DHX8: variants seen among roughly 807,000 people sequenced by gnomAD.
The protein encoded by DHX8 is DEAH-box helicase 8.
In DHX8, 67 loss-of-function variants were observed where a neutral mutation model predicts 140.7. That is an observed-to-expected ratio of 0.48 (90% CI 0.39 to 0.58). DHX8 has a LOEUF of 0.58. Among genes scored for constraint, DHX8 ranks in the 20% least tolerant of loss-of-function variants. The pLI, the probability that DHX8 is intolerant of heterozygous loss-of-function variation, is 0.00. For missense variants in DHX8, 887 were observed against 1,550.7 expected (o/e 0.57, Z 7.19); for synonymous variants, 533 against 553.2 (o/e 0.96, Z 0.51).
rs931729295 is a variant in DHX8 at position 43,513,597 on chromosome 17, G to T, written c.2643+95G>T. The T allele has an allele frequency of 1.1e-5, 15 of 1,373,556 alleles. No homozygotes were observed. The South Asian group carries it at 1.2e-4, about 11-fold the overall frequency. The allele number at this position is 1,373,556 out of a possible 1,614,324, so 85.1% of individuals were successfully genotyped here. On this transcript the variant is annotated intron_variant, in intron 17 of 22. Coordinates refer to ENST00000262415, the MANE Select transcript of DHX8 (RefSeq NM_004941.3). ...TATATATTTCAAACTTGTTTTCAAAGATGAACTTTTATGATACTGGGTACT... is the reference window on the plus strand; with the variant it reads ...TATATATTTCAAACTTGTTTTCAAATATGAACTTTTATGATACTGGGTACT...
At position 43,511,456 on chromosome 17, in the gene DHX8, A is replaced by ATT. The variant is rs71160045; in HGVS notation, c.2503-1888_2503-1887dup. On this transcript the variant is annotated intron_variant, in intron 16 of 22. Transcript: ENST00000262415. ...AGTGGCTTATGCCTGTGATCCCAGC[A>ATT]TTTTTTTTTTTTTTTTTTTGAGACA... is the stretch of plus-strand genomic sequence containing the variant. Among the ~76,000 whole-genome samples the ATT allele has an allele frequency of 5.6e-4, 32 of 56,788 alleles. 5 individuals carry two copies. Among genetic ancestry groups the ATT allele is most frequent in the East Asian group, 4.2e-3 (6 of 1,418 alleles). The allele number at this position is 56,788 out of a possible 152,430, so 37.3% of individuals were successfully genotyped here.
chr17:43,508,205 G>T, intron 15 of DHX8, 134 bp from the exon 16 acceptor site: 1 of 1,264,994 alleles, frequency 7.9e-7, no homozygotes, highest in Admixed American at 2.6e-5. Flanking sequence ...AAACAAACTT[G>T]TATTGTTTAC....
At chr17:43,495,494 C>T (rs934585722) in intron 8 of DHX8, among the ~76,000 whole-genome samples, 1 of 152,082 alleles carries the variant, frequency 6.6e-6, no homozygotes, top group African/African-American at 2.4e-5. Context: ...CAGTGCTCAT[C>T]TCAAACTCCT....
At chr17:43,493,061 G>A (rs538220712) in intron 6 of DHX8, 21 bp downstream of exon 6, 1 of 1,600,744 alleles carries the variant, frequency 6.2e-7, no homozygotes, top group South Asian at 1.1e-5. Flanking sequence ...GTGCTCTTTT[G>A]TTCACACCAG....
chr17:43,511,456 A>ATTTTTTTTTTTTTT (rs71160045), intron 16 of DHX8, among the ~76,000 whole-genome samples: 23,217 of 56,550 alleles, frequency 0.41, 10,359 homozygotes, highest in Non-Finnish European at 0.5. Context: ...TGATCCCAGC[A>ATTTTTTTTTTTTTT]TTTTTTTTTT....
At chr17:43,516,544 G>A (rs1970122701) in intron 17 of DHX8, among the ~76,000 whole-genome samples, 3 of 152,058 alleles carry the variant, frequency 2.0e-5, no homozygotes, top group Non-Finnish European at 4.4e-5. Flanking sequence ...GACCTCCCCA[G>A]GCTCAGGTGA....
chr17:43,495,537 C>G (rs1182916982), intron 8 of DHX8, among the ~76,000 whole-genome samples: 2 of 152,158 alleles, frequency 1.3e-5, no homozygotes, highest in African/African-American at 4.8e-5. Context: ...CTCAGCCTCC[C>G]AAAGTGTTGA....
downstream of DHX8, chr17:43,529,859 T>TC: frequency 6.2e-7 from 1 of 1,613,226 alleles, no homozygotes; most frequent in Non-Finnish European, 8.5e-7. Flanking sequence ...ACCTTGACCC[T>TC]CCCATCAACA....
At chr17:43,499,047 A>C (rs1969035890) in intron 10 of DHX8, 88 bp downstream of exon 10, 1 of 971,008 alleles carries the variant, frequency 1.0e-6, no homozygotes, top group African/African-American at 1.7e-5. Context: ...CTGCGTAAGT[A>C]GAACTTGGGC....
At chr17:43,526,136 G>A (rs778902179), downstream of DHX8, 6 of 985,220 alleles carry the variant, frequency 6.1e-6, no homozygotes, top group Non-Finnish European at 7.2e-6. Flanking sequence ...AGGGAGAAGG[G>A]GGGGGTCCTG....
chr17:43,524,606 A>G lies in DHX8; in HGVS notation c.*759A>G, dbSNP rs1334902502. The G allele has an allele frequency of 1.0e-6, 1 of 985,418 alleles. No individual in the cohort carries two copies. The highest frequency in any genetic ancestry group is 1.2e-6 in the Non-Finnish European group (1 of 830,018). 61.0% of individuals were successfully genotyped at this position (985,418 alleles called of 1,614,324 possible). On this transcript the variant is annotated 3_prime_UTR_variant, in exon 23 of 23. Transcript: ENST00000262415. ...AGTCTGGAGGCCTGAGTGGCTACAG[A>G]TGGCACATATTAAATACAGAAGGTT...
chr17:43,525,818 G>A, downstream of DHX8: 1 of 984,070 alleles, frequency 1.0e-6, no homozygotes, highest in Non-Finnish European at 1.2e-6. Context: ...AACACTCCTG[G>A]ATATAGTGGC....
chr17:43,496,141 C>T (rs1968843791), intron 8 of DHX8, 40 bp from the exon 9 acceptor site: 10 of 1,506,642 alleles, frequency 6.6e-6, no homozygotes, highest in East Asian at 2.3e-5. Flanking sequence ...AAGTTTTGAT[C>T]TTAGCAGGTT....
chr17:43,499,879 T>A, intron 10 of DHX8, 77 bp from the exon 11 acceptor site: 1 of 1,504,876 alleles, frequency 6.6e-7, no homozygotes, highest in Non-Finnish European at 9.1e-7. Flanking sequence ...TCTCATGTTT[T>A]AGATTACAGG....
At chr17:43,496,800 A>G (rs1487126906) in intron 9 of DHX8, among the ~76,000 whole-genome samples, 1 of 152,052 alleles carries the variant, frequency 6.6e-6, no homozygotes, top group Admixed American at 6.5e-5. Context: ...CTTTCAGGAT[A>G]TAAAAAGTTA....
At chr17:43,520,419 AC>A in intron 19 of DHX8, 152 bp downstream of exon 19, 1 of 1,043,554 alleles carries the variant, frequency 9.6e-7, no homozygotes, top group Non-Finnish European at 1.4e-6. Context: ...CTCCACTGTC[AC>A]TTTAAACTGT....
chr17:43,532,581 A>G, intron 2 of DHX8: 1 of 1,187,850 alleles, frequency 8.4e-7, no homozygotes, highest in Non-Finnish European at 1.2e-6. Flanking sequence ...GATGTATGAA[A>G]TGGTAAACAG....
At chr17:43,492,374 G>C in intron 5 of DHX8, 82 bp downstream of exon 5, 1 of 1,130,026 alleles carries the variant, frequency 8.8e-7, no homozygotes, top group Non-Finnish European at 1.3e-6. Flanking sequence ...CAAAATTTTG[G>C]GCAAGTTTAC....
chr17:43,523,083 A>G (rs1306465067), intron 22 of DHX8, among the ~76,000 whole-genome samples: 1 of 151,246 alleles, frequency 6.6e-6, no homozygotes, highest in African/African-American at 2.4e-5. Flanking sequence ...AAAAAAAGAA[A>G]GAAAAAAACA....
Sources: allele counts gnomAD v4.1 joint callset (sites outside exome capture counted in the v4.1 genomes callset), GRCh38; gene constraint gnomAD v4.1.1; transcripts MANE v1.5; gene names NCBI Gene and HGNC (gene_info 2026-07-23, HGNC 2026-07-21).